Variants in NAV1 observed in about 807,000 individuals in gnomAD.
The protein encoded by NAV1 is neuron navigator 1.
Under a neutral mutation model 175.2 loss-of-function variants are expected in NAV1, and 18 were observed. That is an observed-to-expected ratio of 0.10 (90% CI 0.07 to 0.15). The LOEUF (loss-of-function observed/expected upper bound fraction) is 0.15, where lower values mean the gene tolerates loss of function less well. Among genes scored for constraint, NAV1 ranks in the 10% least tolerant of loss-of-function variants. The pLI is 1.00. For synonymous variants in NAV1, 897 were observed against 978.7 expected (o/e 0.92, Z 1.56); for missense variants, 1,731 against 2,436.6 (o/e 0.71, Z 6.10).
At chr1:201,809,384 C>T (rs541997853) in intron 21 of NAV1, 58 bp from the exon 26 acceptor site, 21 of 1,593,210 alleles carry the variant, frequency 1.3e-5, no homozygotes, top group Admixed American at 1.0e-4. Context: ...TTTAGGACCC[C>T]GGTTCATGGA....
chr1:201,747,555 G>A (rs564514812), intron 3 of NAV1, among the ~76,000 whole-genome samples: 75 of 152,262 alleles, frequency 4.9e-4, no homozygotes, highest in Admixed American at 1.2e-3. Context: ...AGCAGAGGGT[G>A]TTCCAGGGTA....
chr1:201,630,478 T>C (rs1390994942), intron 2 of NAV1, among the ~76,000 whole-genome samples: 1 of 152,214 alleles, frequency 6.6e-6, no homozygotes. Flanking sequence ...GTATACTGCT[T>C]CTGTCTTCTC....
chr1:201,561,868 C>T (rs73082552), intron 1 of NAV1, among the ~76,000 whole-genome samples: 9,677 of 152,270 alleles, frequency 0.064, 426 homozygotes, highest in African/African-American at 0.13. Context: ...ATGTTCAGGG[C>T]CCTTAGGCAG....
rs1340518078 is a variant in NAV1, at chr1:201,807,326, CT to C, written c.3649-625del. On this transcript the variant is annotated intron_variant, in intron 17 of 29. Coordinates refer to ENST00000367296, the Ensembl canonical transcript of NAV1. This position sits in a 1 kb window ranked among gnomAD's most constrained non-coding sequence, Gnocchi z 5.4. ...TGGGCACAAGAAATACTAAAAGAAG[CT>C]TGAGCCCACTGCCTTCTCGTGTTCT... 6.6e-6 allele frequency among the ~76,000 whole-genome samples: 1 copy of C among 152,182 alleles called. No individual in the cohort carries two copies. The highest frequency in any genetic ancestry group is 1.5e-5 in the Non-Finnish European group (1 of 68,044).
intron 3 of NAV1, among the ~76,000 whole-genome samples, chr1:201,756,848 CTTTCTTTCTT>C (rs1352940175): frequency 7.6e-6 from 1 of 132,348 alleles, no homozygotes; most frequent in African/African-American, 2.9e-5. Flanking sequence ...TTCTTTCTTT[CTTTCTTTCTT>C]TCTTTCTTTC....
chr1:201,585,118 C>G (rs4915542), intron 1 of NAV1, among the ~76,000 whole-genome samples: 12,209 of 152,212 alleles, frequency 0.08, 644 homozygotes, highest in East Asian at 0.23. Flanking sequence ...GTCTCCCAAG[C>G]TTTGGGCAGG....
chr1:201,798,695 C>CTTTTTTTTTTT (rs764483919), intron 15 of NAV1: 2 of 69,476 alleles, frequency 2.9e-5, no homozygotes, highest in African/African-American at 6.0e-5. Flanking sequence ...TTTTCTCTCT[C>CTTTTTTTTTTT]TTTTTTTTTT....
Position 201,812,763 on chromosome 1 carries a change from T to A in NAV1, c.5221+102T>A. ...TTCTCTTCCTGGAGTCTTCGGCATG[T>A]AAAGGAGCTGCAAGCCTTGTGGCTT... On this transcript the variant is annotated intron_variant, in intron 27 of 29. Coordinates refer to ENST00000367296, the Ensembl canonical transcript of NAV1. This position sits in a 1 kb window ranked among gnomAD's most constrained non-coding sequence, Gnocchi z 4.6. The A allele has an allele frequency of 9.2e-7, 1 of 1,088,236 alleles. No homozygotes were observed. Among genetic ancestry groups the A allele is most frequent in the Non-Finnish European group, 1.4e-6 (1 of 738,662 alleles). The allele number at this position is 1,088,236 out of a possible 1,614,324, so 67.4% of individuals were successfully genotyped here.
chr1:201,546,035 G>C (rs1665662216), intron 1 of NAV1, among the ~76,000 whole-genome samples: 2 of 152,224 alleles, frequency 1.3e-5, no homozygotes, highest in African/African-American at 4.8e-5. Flanking sequence ...GTAATGCCAA[G>C]ATACCAACTG....
Position 201,813,198 on chromosome 1 carries a change from T to C in NAV1, c.5280T>C (p.Ile1760=). The C allele has an allele frequency of 3.1e-6, 5 of 1,614,158 alleles. No individual in the cohort carries two copies. The highest frequency in any genetic ancestry group is 4.2e-6 in the Non-Finnish European group (5 of 1,180,016). ...TTGAGGACTTCCGGACCTGGTTCATTGACCTGTGGAACAACTCTATCATTC... is the reference window on the plus strand; with the variant it reads ...TTGAGGACTTCCGGACCTGGTTCATCGACCTGTGGAACAACTCTATCATTC... The change falls in exon 28 of 30, where the codon ATT becomes ATC. Residue 1760 remains isoleucine (I), a synonymous_variant. Transcript: ENST00000367296. The surrounding 1 kb of genome is among the most constrained non-coding windows in gnomAD (Gnocchi z 4.2).
chr1:201,752,456 C>A (rs1159731212), intron 3 of NAV1, among the ~76,000 whole-genome samples: 1 of 152,110 alleles, frequency 6.6e-6, no homozygotes, highest in Non-Finnish European at 1.5e-5. Context: ...TTCTTGGGAG[C>A]ACTTCTTTTG....
intron 1 of NAV1, among the ~76,000 whole-genome samples, chr1:201,573,686 TA>T (rs1235922837): frequency 6.6e-6 from 1 of 152,184 alleles, no homozygotes; most frequent in Admixed American, 6.5e-5. Context: ...GAAAAATATA[TA>T]AAATGGTGCC....
intron 14 of NAV1, 34 bp downstream of exon 18, chr1:201,793,909 T>TGGGGGGGGGGGGGGGGGGCCCC: frequency 1.9e-6 from 1 of 516,466 alleles, no homozygotes; most frequent in Non-Finnish European, 3.9e-6. Flanking sequence ...GAGGGGTGGG[T>TGGGGGGGGGGGGGGGGGGCCCC]GCGGCGAGGG....
At chr1:201,567,871 AT>A (rs147501509) in intron 1 of NAV1, among the ~76,000 whole-genome samples, 4,675 of 152,244 alleles carry the variant, frequency 0.031, 93 homozygotes, top group Non-Finnish European at 0.046. Context: ...CACATCGAGA[AT>A]GTCCTTTCTC....
At chr1:201,797,937 C>A (rs1176338299) in intron 15 of NAV1, 1 of 152,212 alleles carries the variant, frequency 6.6e-6, no homozygotes, top group Admixed American at 6.5e-5. Flanking sequence ...CAGACCTTTA[C>A]TTCCAACCAC....
At position 201,788,657 on chromosome 1, in the gene NAV1, G is replaced by A. The variant is rs543013311; in HGVS notation, c.3166+19G>A. On this transcript the variant is annotated intron_variant, in intron 10 of 29. Coordinates refer to ENST00000367296, the Ensembl canonical transcript of NAV1. This position sits in a 1 kb window ranked among gnomAD's most constrained non-coding sequence, Gnocchi z 5.7. ...GACGATGGTGAGACTTCATGCTAGC[G>A]CGGTTCACGCTCATTCCAGCTCTGC... is the stretch of plus-strand genomic sequence containing the variant. 2.2e-5 allele frequency: 35 copies of A among 1,593,126 alleles called. No individual in the cohort carries two copies. The highest frequency in any genetic ancestry group is 9.0e-5 in the East Asian group (4 of 44,618).
chr1:201,629,862 G>A (rs12124506), intron 2 of NAV1, among the ~76,000 whole-genome samples: 17,531 of 152,146 alleles, frequency 0.12, 1,233 homozygotes, highest in Admixed American at 0.19. Flanking sequence ...GAATTAGGGA[G>A]GCAGGCCAGA....
rs959710792 is a variant in NAV1, at chr1:201,781,441, G to A, written c.1663+132G>A. 2.4e-5 allele frequency: 22 copies of A among 906,608 alleles called. No individual in the cohort carries two copies. In the Admixed American group the frequency reaches 4.1e-4, roughly 17 times the overall value. The allele number at this position is 906,608 out of a possible 1,614,324, so 56.2% of individuals were successfully genotyped here. ...GCTTTAACAGACATTATCTTATCTG[G>A]TCTAAGGACAGTCCCGTGAGTTAGG... On this transcript the variant is annotated intron_variant, in intron 5 of 29. Transcript: ENST00000367296.
chr1:201,605,065 G>A (rs778602080), intron 2 of NAV1, among the ~76,000 whole-genome samples: 8 of 151,484 alleles, frequency 5.3e-5, no homozygotes, highest in Non-Finnish European at 1.0e-4. Context: ...TTTACTGAGG[G>A]CACCCTAGCA....
Sources: allele counts gnomAD v4.1 joint callset (sites outside exome capture counted in the v4.1 genomes callset), GRCh38; gene constraint gnomAD v4.1.1; non-coding constraint Gnocchi (gnomAD v3.1); transcripts MANE v1.5; gene names NCBI Gene and HGNC (gene_info 2026-07-23, HGNC 2026-07-21).